The following ITPR1 variants were observed in gnomAD, a reference collection of about 807,000 sequenced individuals.
The protein encoded by ITPR1 is inositol 1,4,5-trisphosphate receptor type 1.
ITPR1 carries 96 observed loss-of-function variants against 318.4 expected under a neutral mutation model. The ratio of observed to expected loss-of-function variants is 0.30; its 90% CI spans 0.26 to 0.36. The LOEUF (loss-of-function observed/expected upper bound fraction) is 0.36. ITPR1 is among the 10% of genes least tolerant of loss of function. The pLI is 1.00. For synonymous variants in ITPR1, 1,312 were observed against 1,289.9 expected, an observed-to-expected ratio of 1.02 and a Z score of -0.37; for missense variants, 2,440 against 3,460.2, an observed-to-expected ratio of 0.71 and a Z score of 7.40.
chr3:4,553,846 C>T (rs1447693910), intron 4 of ITPR1, among the ~76,000 whole-genome samples: 1 of 152,188 alleles, frequency 6.6e-6, no homozygotes, highest in Non-Finnish European at 1.5e-5. Flanking sequence ...GGTGATCCAC[C>T]TGCCTTGGCC....
chr3:4,695,867 A>C (rs1480860581), intron 33 of ITPR1, among the ~76,000 whole-genome samples: 1 of 152,152 alleles, frequency 6.6e-6, no homozygotes, highest in Non-Finnish European at 1.5e-5. Context: ...TTGTGCATAC[A>C]TCCTGGCCCA....
intron 46 of ITPR1, 123 bp from the exon 47 acceptor site, chr3:4,775,119 T>C (rs976559603): frequency 3.9e-6 from 3 of 762,292 alleles, no homozygotes; most frequent in South Asian, 1.5e-5. Flanking sequence ...TTCCATGCTC[T>C]CCCACGTGGC....
At chr3:4,559,836 G>A (rs1295331412) in intron 4 of ITPR1, among the ~76,000 whole-genome samples, 1 of 152,190 alleles carries the variant, frequency 6.6e-6, no homozygotes, top group Non-Finnish European at 1.5e-5. Context: ...ATGACAGCCT[G>A]TATAGGAACA....
At chr3:4,754,704 T>C (rs1238323732) in intron 44 of ITPR1, among the ~76,000 whole-genome samples, 1 of 152,248 alleles carries the variant, frequency 6.6e-6, no homozygotes, top group African/African-American at 2.4e-5. Flanking sequence ...AGAGTACCTT[T>C]TTAATAAGCC....
chr3:4,577,805 GT>G (rs2088845397), intron 4 of ITPR1, among the ~76,000 whole-genome samples: 2 of 152,224 alleles, frequency 1.3e-5, no homozygotes, highest in Non-Finnish European at 2.9e-5. Flanking sequence ...AGAACAGACT[GT>G]AATTACAAGT....
intron 2 of ITPR1, among the ~76,000 whole-genome samples, chr3:4,502,162 T>C (rs1176858950): frequency 6.6e-6 from 1 of 152,208 alleles, no homozygotes; most frequent in Non-Finnish European, 1.5e-5. Context: ...TTGTACCTCA[T>C]GTGTCCCTCC....
chr3:4,575,517 G>A (rs1019841828), intron 4 of ITPR1, among the ~76,000 whole-genome samples: 5 of 152,166 alleles, frequency 3.3e-5, no homozygotes, highest in Non-Finnish European at 7.3e-5. Context: ...CTGTCTCACT[G>A]TTGGCATGGA....
At chr3:4,505,120 T>G (rs2081308927) in intron 2 of ITPR1, among the ~76,000 whole-genome samples, 1 of 152,218 alleles carries the variant, frequency 6.6e-6, no homozygotes, top group Non-Finnish European at 1.5e-5. Context: ...TTATGGCCTC[T>G]TGGCTTGCCA....
At chr3:4,701,007 G>A (rs1418009038) in intron 35 of ITPR1, among the ~76,000 whole-genome samples, 1 of 152,150 alleles carries the variant, frequency 6.6e-6, no homozygotes, top group Admixed American at 6.5e-5. Flanking sequence ...CACAACATGT[G>A]GGAATTGTGG....
chr3:4,538,143 G>A (rs1380048661), intron 4 of ITPR1, among the ~76,000 whole-genome samples: 1 of 151,826 alleles, frequency 6.6e-6, no homozygotes, highest in Non-Finnish European at 1.5e-5. Context: ...GTAATGTTAA[G>A]CATCTTAATC....
chr3:4,765,188 T>C (rs1011667395), intron 44 of ITPR1, among the ~76,000 whole-genome samples: 2 of 151,760 alleles, frequency 1.3e-5, no homozygotes, highest in Non-Finnish European at 2.9e-5. Flanking sequence ...AGGCTAAGCA[T>C]AGGGGAGGTG....
intron 18 of ITPR1, among the ~76,000 whole-genome samples, chr3:4,669,311 A>C (rs1174000293): frequency 6.6e-6 from 1 of 152,238 alleles, no homozygotes; most frequent in African/African-American, 2.4e-5. Flanking sequence ...CAACACACGT[A>C]GCCAAACATC....
intron 42 of ITPR1, among the ~76,000 whole-genome samples, chr3:4,731,682 TG>T (rs1286652281): frequency 6.6e-6 from 1 of 152,198 alleles, no homozygotes; most frequent in African/African-American, 2.4e-5. Context: ...GGACTTTCCA[TG>T]GTTTTGATGA....
At chr3:4,763,382 A>G (rs1375818873) in intron 44 of ITPR1, among the ~76,000 whole-genome samples, 1 of 152,176 alleles carries the variant, frequency 6.6e-6, no homozygotes, top group Non-Finnish European at 1.5e-5. Context: ...TCTAAAAATT[A>G]CTTGAACAGA....
chr3:4,609,085 T>TATATATATATAC (rs1559529538), intron 4 of ITPR1, among the ~76,000 whole-genome samples: 3 of 91,350 alleles, frequency 3.3e-5, no homozygotes, highest in African/African-American at 1.6e-4. Flanking sequence ...TATATATATA[T>TATATATATATAC]ATATACACAC....
intron 52 of ITPR1, among the ~76,000 whole-genome samples, chr3:4,791,830 T>C (rs2125411001): frequency 6.6e-6 from 1 of 152,366 alleles, no homozygotes; most frequent in South Asian, 2.1e-4. Flanking sequence ...GAAAGGTCTG[T>C]AGGACTTGAA....
intron 39 of ITPR1, among the ~76,000 whole-genome samples, chr3:4,713,919 A>G (rs1388701127): frequency 6.6e-6 from 1 of 152,172 alleles, no homozygotes; most frequent in Non-Finnish European, 1.5e-5. Flanking sequence ...GATGCTCTAG[A>G]AACCCATGTT....
chr3:4,803,647 T>C (rs2048378222), intron 54 of ITPR1, among the ~76,000 whole-genome samples: 1 of 152,170 alleles, frequency 6.6e-6, no homozygotes, highest in Admixed American at 6.5e-5. Flanking sequence ...AAGAATTACA[T>C]AAACAACTAG....
chr3:4,828,260 T>C (rs567199584), intron 60 of ITPR1, among the ~76,000 whole-genome samples: 5 of 152,220 alleles, frequency 3.3e-5, no homozygotes, highest in African/African-American at 9.6e-5. Flanking sequence ...ACTACTGGAA[T>C]CCAGAAAAGA....
Sources: gnomAD v4.1 joint callset for allele counts (sites outside exome capture counted in the v4.1 genomes callset) on GRCh38, gnomAD v4.1.1 for gene constraint, MANE v1.5 for transcripts, NCBI Gene and HGNC (gene_info 2026-07-23, HGNC 2026-07-21) for gene names.